DAPK1: variants seen among roughly 807,000 people sequenced by gnomAD.
DAPK1 encodes the protein death-associated protein kinase 1.
In DAPK1, 56 loss-of-function variants were observed where a neutral mutation model predicts 144.9. The ratio of observed to expected loss-of-function variants is 0.39; its 90% CI spans 0.31 to 0.48. DAPK1 has a LOEUF of 0.48. Ranked by LOEUF, DAPK1 falls within the 20% of genes least tolerant of loss-of-function variation. The pLI is 0.95. For synonymous variants in DAPK1, 690 were observed against 749.0 expected, an observed-to-expected ratio of 0.92 and a Z score of 1.29; for missense variants, 1,454 against 1,875.4, an observed-to-expected ratio of 0.78 and a Z score of 4.15.
intron 15 of DAPK1, 113 bp from the exon 16 acceptor site, chr9:87,649,808 C>T (rs562058003): frequency 2.1e-6 from 2 of 933,880 alleles, no homozygotes; most frequent in Admixed American, 1.9e-5. Context: ...AGCTCTTTCC[C>T]TCTGCTGCCT....
chr9:87,679,809 C>G (rs1345204536), intron 19 of DAPK1, among the ~76,000 whole-genome samples: 8 of 152,126 alleles, frequency 5.3e-5, no homozygotes, highest in Non-Finnish European at 1.2e-4. Context: ...ATATTGTGTT[C>G]CCAGCCCCCT....
intron 2 of DAPK1, among the ~76,000 whole-genome samples, chr9:87,502,532 A>G (rs1334495590): frequency 3.3e-5 from 5 of 152,112 alleles, no homozygotes; most frequent in Non-Finnish European, 7.4e-5. Flanking sequence ...GGCTCTAGTT[A>G]CACCCTTGGC....
At chr9:87,558,531 A>T (rs1826797301) in intron 2 of DAPK1, among the ~76,000 whole-genome samples, 1 of 151,454 alleles carries the variant, frequency 6.6e-6, no homozygotes, top group Non-Finnish European at 1.5e-5. Flanking sequence ...CAGCCGTGTG[A>T]GTACAGATAC....
At chr9:87,645,822 G>GT in intron 11 of DAPK1, 73 bp from the exon 12 acceptor site, 1 of 1,572,806 alleles carries the variant, frequency 6.4e-7, no homozygotes, top group Non-Finnish European at 8.7e-7. Context: ...GTGAGCACAG[G>GT]TTTCTTTTAT....
chr9:87,569,473 A>G (rs36203099), intron 2 of DAPK1, among the ~76,000 whole-genome samples: 18,268 of 152,244 alleles, frequency 0.12, 1,364 homozygotes, highest in East Asian at 0.34. Flanking sequence ...GGTTATTTCA[A>G]TTTGCAATTA....
intron 23 of DAPK1, among the ~76,000 whole-genome samples, chr9:87,699,073 C>T (rs1825373037): frequency 6.6e-6 from 1 of 152,176 alleles, no homozygotes. Flanking sequence ...ATCTGAAATG[C>T]TCTAATAACC....
intron 19 of DAPK1, among the ~76,000 whole-genome samples, chr9:87,672,438 C>G (rs1329700554): frequency 1.3e-5 from 2 of 152,096 alleles, no homozygotes; most frequent in Non-Finnish European, 2.9e-5. Flanking sequence ...TCAATGGGCT[C>G]GGGGGGCTCC....
In DAPK1 at chr9:87,668,582, AT is replaced by A; in HGVS notation, c.1924-10del. 7 of 1,219,460 alleles carry A rather than the reference AT, an allele frequency of 5.7e-6. No individual in the cohort carries two copies. Among genetic ancestry groups the A allele is most frequent in the East Asian group, 2.3e-5 (1 of 43,116 alleles). The allele number at this position is 1,219,460 out of a possible 1,614,324, so 75.5% of individuals were successfully genotyped here. A position where few individuals can be genotyped will look rare whatever the true frequency, so the allele number is the denominator to read the frequency against. On this transcript the variant is annotated splice_polypyrimidine_tract_variant and intron_variant, in intron 18 of 25. Transcript: ENST00000408954. ...CTTTTCAGAGAAAAGAAACTAATGC[AT>A]TTTTCTCCAACAGGACGGAAAGACG...
At chr9:87,559,254 C>T (rs1861832) in intron 2 of DAPK1, among the ~76,000 whole-genome samples, 44,773 of 151,728 alleles carry the variant, frequency 0.3, 6,908 homozygotes, top group Middle Eastern at 0.41. Context: ...TTCTAATGCC[C>T]CAGGTATGCT....
At chr9:87,526,237 G>A (rs36229913) in intron 2 of DAPK1, among the ~76,000 whole-genome samples, 3,476 of 152,070 alleles carry the variant, frequency 0.023, 132 homozygotes, top group African/African-American at 0.074. Context: ...TTTAACAAAT[G>A]CATAGTCATG....
intron 3 of DAPK1, among the ~76,000 whole-genome samples, chr9:87,606,269 A>C (rs1295286348): frequency 6.6e-6 from 1 of 152,168 alleles, no homozygotes; most frequent in Non-Finnish European, 1.5e-5. Flanking sequence ...CGGTCCCCAC[A>C]GCATCTTGTC....
intron 2 of DAPK1, among the ~76,000 whole-genome samples, chr9:87,536,242 T>A (rs1825857590): frequency 6.6e-6 from 1 of 152,120 alleles, no homozygotes; most frequent in Non-Finnish European, 1.5e-5. Context: ...GGTTTTCTGG[T>A]TTGTTCTTGG....
At chr9:87,680,040 G>T (rs1047824196) in intron 19 of DAPK1, among the ~76,000 whole-genome samples, 2 of 151,244 alleles carry the variant, frequency 1.3e-5, no homozygotes, top group Non-Finnish European at 3.0e-5. Context: ...GTAAATTTTT[G>T]ATTATCCTTT....
chr9:87,625,129 G>C (rs1240402561), intron 3 of DAPK1, among the ~76,000 whole-genome samples: 1 of 148,740 alleles, frequency 6.7e-6, no homozygotes, highest in Non-Finnish European at 1.5e-5. Context: ...GAGAGTGTAT[G>C]GCCCAGGAAG....
intron 2 of DAPK1, among the ~76,000 whole-genome samples, chr9:87,543,433 T>G (rs1826126907): frequency 6.6e-6 from 1 of 152,244 alleles, no homozygotes; most frequent in Non-Finnish European, 1.5e-5. Flanking sequence ...TTGAGTGCAG[T>G]TTCTTTAAAA....
rs750748509 is a variant in DAPK1 at position 87,686,678 on chromosome 9, G to A, written c.2352G>A (p.Pro784=). The stretch of plus-strand genomic sequence containing the variant: ...TGTTTGTGGCCCCGACCCACCACCC[G>A]CACTGCTCGGCCGATGACCAGTCCA... ...LEVFVAPTHH[P]HCSADDQSTK... is the part of the protein sequence containing the mutation. The change falls in exon 21 of 26, where the codon CCG becomes CCA. Residue 784 remains proline (P), a synonymous_variant. Transcript: ENST00000408954. This position sits in a 1 kb window ranked among gnomAD's most constrained non-coding sequence, Gnocchi z 4.2. 1.1e-4 allele frequency: 170 copies of A among 1,612,954 alleles called. No individual in the cohort carries two copies. Among genetic ancestry groups the A allele is most frequent in the Non-Finnish European group, 1.3e-4 (150 of 1,179,180 alleles).
Position 87,698,644 on chromosome 9 carries a change from C to G in DAPK1, c.2612-12C>G, listed in dbSNP as rs749905027. The stretch of plus-strand genomic sequence containing the variant: ...GACCCACCCCCTGAAGCAGTTCCCT[C>G]TCTGCCCCCAGCCTTCGGTGGCAAG... On this transcript the variant is annotated splice_polypyrimidine_tract_variant and intron_variant, in intron 22 of 25. Transcript: ENST00000408954. 5.0e-6 allele frequency: 8 copies of G among 1,592,994 alleles called. No individual in the cohort carries two copies. Among genetic ancestry groups the G allele is most frequent in the Non-Finnish European group, 6.9e-6 (8 of 1,162,278 alleles).
At chr9:87,662,049 A>C (rs1830867559) in intron 18 of DAPK1, among the ~76,000 whole-genome samples, 1 of 152,196 alleles carries the variant, frequency 6.6e-6, no homozygotes, top group African/African-American at 2.4e-5. Flanking sequence ...ATAGATATCC[A>C]ACTTTCCCAA....
At chr9:87,574,136 G>C (rs113113807) in intron 2 of DAPK1, among the ~76,000 whole-genome samples, 1 of 152,156 alleles carries the variant, frequency 6.6e-6, no homozygotes, top group Admixed American at 6.5e-5. Context: ...AGAAAGTCAC[G>C]TCCTTTCCCA....
Sources: allele counts gnomAD v4.1 joint callset (sites outside exome capture counted in the v4.1 genomes callset), GRCh38; gene constraint gnomAD v4.1.1; non-coding constraint Gnocchi (gnomAD v3.1); transcripts MANE v1.5; gene names NCBI Gene and HGNC (gene_info 2026-07-23, HGNC 2026-07-21).